MYH11: variants seen among roughly 807,000 people sequenced by gnomAD.
MYH11 encodes myosin heavy chain 11, also known as myosin-11.
A neutral mutation model predicts 246.6 loss-of-function variants in MYH11; 80 were observed. The observed-to-expected ratio is 0.32, with a 90% CI of 0.27 to 0.39. The LOEUF (loss-of-function observed/expected upper bound fraction) is 0.39. Ranked by LOEUF, MYH11 falls within the 10% of genes least tolerant of loss-of-function variation. MYH11 has a pLI of 1.00. For synonymous variants in MYH11, 1,071 were observed against 1,015.5 expected (o/e 1.05, Z -1.04); for missense variants, 2,158 against 2,546.8 (o/e 0.85, Z 3.29).
chr16:15,756,790 ACT>A (rs1206934432), intron 13 of MYH11, among the ~76,000 whole-genome samples: 21 of 135,748 alleles, frequency 1.5e-4, no homozygotes, highest in African/African-American at 6.1e-4. Context: ...AGAGTTCATA[ACT>A]CTTTTTTTTT....
chr16:15,855,278 C>G (rs34332406), intron 1 of MYH11, among the ~76,000 whole-genome samples: 28,845 of 152,166 alleles, frequency 0.19, 3,359 homozygotes, highest in East Asian at 0.43. Context: ...AGCTAGGTCA[C>G]CCCCTCAATC....
intron 4 of MYH11, among the ~76,000 whole-genome samples, chr16:15,792,895 G>A (rs891396445): frequency 3.3e-5 from 5 of 151,732 alleles, no homozygotes; most frequent in Admixed American, 1.3e-4. Context: ...ATGCCATCAC[G>A]CTCAGCTAAT....
At chr16:15,815,531 T>G (rs1420409998) in intron 3 of MYH11, among the ~76,000 whole-genome samples, 1 of 152,090 alleles carries the variant, frequency 6.6e-6, no homozygotes, top group Non-Finnish European at 1.5e-5. Context: ...ATTTAAATTA[T>G]AGGATTGGTC....
intron 2 of MYH11, among the ~76,000 whole-genome samples, chr16:15,823,839 C>T (rs1252252215): frequency 6.6e-6 from 1 of 152,090 alleles, no homozygotes; most frequent in African/African-American, 2.4e-5. Context: ...GTTGCTCAGG[C>T]TGGTCTCAAA....
rs1383714654 is a variant in MYH11 at position 15,724,554 on chromosome 16, G to A, written c.4116+93C>T. ...GGAAGCTGGGGGGTCAAGCACCATC[G>A]CACCAACACTCCACCGCGATCTGCC... is the stretch of plus-strand genomic sequence containing the variant. On this transcript the variant is annotated intron_variant, in intron 30 of 40. Transcript: ENST00000300036. 29 of 1,607,014 alleles carry A rather than the reference G, an allele frequency of 1.8e-5. No individual in the cohort carries two copies. The South Asian group carries it at 2.1e-4, about 12-fold the overall frequency.
At chr16:15,721,220 C>T (rs1418451999) in intron 32 of MYH11, 169 bp from the exon 33 acceptor site, 3 of 938,772 alleles carry the variant, frequency 3.2e-6, no homozygotes, top group East Asian at 5.2e-5. Flanking sequence ...CCAGCCTTAT[C>T]CTCGGACCCC....
chr16:15,851,681 A>C (rs1476392014), intron 1 of MYH11, among the ~76,000 whole-genome samples: 3 of 152,088 alleles, frequency 2.0e-5, no homozygotes, highest in Non-Finnish European at 4.4e-5. Context: ...TACAGGAAAA[A>C]AAGTGAATGG....
intron 3 of MYH11, among the ~76,000 whole-genome samples, chr16:15,803,266 G>C (rs370759527): frequency 4.1e-5 from 6 of 146,438 alleles, no homozygotes; most frequent in African/African-American, 1.6e-4. Flanking sequence ...AGCAAAATGG[G>C]AAACCAGTTT....
intron 1 of MYH11, among the ~76,000 whole-genome samples, chr16:15,851,433 A>G (rs2044325846): frequency 6.6e-6 from 1 of 152,194 alleles, no homozygotes; most frequent in Non-Finnish European, 1.5e-5. Context: ...TTTCCTGCTA[A>G]GATGACCGAG....
chr16:15,753,366 A>C, intron 15 of MYH11, 28 bp downstream of exon 15: 1 of 1,596,124 alleles, frequency 6.3e-7, no homozygotes, highest in South Asian at 1.1e-5. Flanking sequence ...TCAAAGCAGA[A>C]CATGGACCCG....
chr16:15,762,176 T>C lies in MYH11; in HGVS notation c.1130-1518A>G, dbSNP rs181371382. Among the ~76,000 whole-genome samples the C allele has an allele frequency of 5.3e-3, 804 of 152,290 alleles. 8 individuals carry two copies. The highest frequency in any genetic ancestry group is 0.018 in the African/African-American group (763 of 41,552). On this transcript the variant is annotated intron_variant, in intron 10 of 40. Coordinates refer to ENST00000300036, the MANE Select transcript of MYH11 (RefSeq NM_002474.3). ...TTTTAGTAGAGATGGGGTTTCACCA[T>C]GTTGGCGAGGCTGGTCTTGAACTCC...
intron 3 of MYH11, among the ~76,000 whole-genome samples, chr16:15,813,070 G>C (rs2043177488): frequency 6.6e-6 from 1 of 152,142 alleles, no homozygotes; most frequent in Admixed American, 6.5e-5. Context: ...AGGAGGCTGA[G>C]GCAGGAGAAT....
At chr16:15,720,812 T>A in intron 33 of MYH11, 27 bp downstream of exon 33, 1 of 1,611,462 alleles carries the variant, frequency 6.2e-7, no homozygotes, top group Non-Finnish European at 8.5e-7. Context: ...CCGACCTCCC[T>A]CTGCTGGCCT....
chr16:15,845,725 AAAG>A (rs761127939), intron 1 of MYH11, among the ~76,000 whole-genome samples: 7 of 151,044 alleles, frequency 4.6e-5, no homozygotes, highest in African/African-American at 7.4e-5. Context: ...AGAGAGAGAA[AAAG>A]AAGGAGAGAG....
chr16:15,836,723 T>C (rs923022960), intron 2 of MYH11, among the ~76,000 whole-genome samples: 48 of 132,732 alleles, frequency 3.6e-4, no homozygotes, highest in Middle Eastern at 7.9e-3. Flanking sequence ...ATGTTTCTTT[T>C]TTTTTTTTTT....
chr16:15,784,185 G>A (rs1403494019), intron 5 of MYH11, among the ~76,000 whole-genome samples: 2 of 152,010 alleles, frequency 1.3e-5, no homozygotes, highest in East Asian at 3.9e-4. Context: ...CACTGCACAC[G>A]CATGCACAGG....
At chr16:15,831,485 G>GTGTGTGTGTT (rs1555458302) in intron 2 of MYH11, among the ~76,000 whole-genome samples, 1 of 151,856 alleles carries the variant, frequency 6.6e-6, no homozygotes, top group African/African-American at 2.4e-5. Flanking sequence ...GTGTGTGTGT[G>GTGTGTGTGTT]TGTGTGTGTG....
chr16:15,727,043 G>T lies in MYH11; in HGVS notation c.3663C>A (p.Asn1221Lys). ...QLEQFKRAKA[N>K]LDKNKQTLEK... ...CCAGCGTCTGCTTATTCTTGTCTAG[G>T]TTCGCCTTGGCCTGGCGAAGGAAGC... The change falls in exon 28 of 41, where the codon AAC becomes AAA. Residue 1221 changes from asparagine to lysine, a missense_variant. Transcript: ENST00000300036. The T allele has an allele frequency of 6.2e-7, 1 of 1,611,680 alleles. No individual in the cohort carries two copies. The highest frequency in any genetic ancestry group is 1.1e-5 in the South Asian group (1 of 90,840).
chr16:15,787,071 A>C (rs981138935), intron 4 of MYH11, among the ~76,000 whole-genome samples: 2 of 152,144 alleles, frequency 1.3e-5, no homozygotes. Context: ...CAGGAGTGTG[A>C]GACCAGCTCA....
Sources: allele counts gnomAD v4.1 joint callset (sites outside exome capture counted in the v4.1 genomes callset), GRCh38; gene constraint gnomAD v4.1.1; transcripts MANE v1.5; gene names NCBI Gene and HGNC (gene_info 2026-07-23, HGNC 2026-07-21).